CDH13: variants seen among roughly 807,000 people sequenced by gnomAD.
CDH13 encodes the protein cadherin 13, also known as cadherin-13.
Under a neutral mutation model 63.8 loss-of-function variants are expected in CDH13, and 24 were observed. The ratio of observed to expected loss-of-function variants is 0.38; its 90% CI spans 0.27 to 0.53. The LOEUF (loss-of-function observed/expected upper bound fraction) is 0.53. Ranked by LOEUF, CDH13 falls within the 20% of genes least tolerant of loss-of-function variation. The pLI, the probability that CDH13 is intolerant of heterozygous loss-of-function variation, is 0.85. For missense variants in CDH13, 1,049 were observed against 903.1 expected, an observed-to-expected ratio of 1.16 and a Z score of -2.07; for synonymous variants, 503 against 355.3, an observed-to-expected ratio of 1.42 and a Z score of -4.67.
intron 1 of CDH13, among the ~76,000 whole-genome samples, chr16:82,683,567 G>A (rs1436124051): frequency 6.6e-6 from 1 of 152,168 alleles, no homozygotes; most frequent in African/African-American, 2.4e-5. Flanking sequence ...AAATATAGTT[G>A]GACCAGAAGG....
intron 3 of CDH13, among the ~76,000 whole-genome samples, chr16:83,118,471 C>A (rs1029313761): frequency 2.6e-5 from 4 of 152,148 alleles, no homozygotes; most frequent in African/African-American, 7.2e-5. Context: ...CTGCACGCGT[C>A]TAGTAAATCT....
At chr16:83,337,128 G>C (rs549958841) in intron 5 of CDH13, among the ~76,000 whole-genome samples, 4 of 152,274 alleles carry the variant, frequency 2.6e-5, no homozygotes, top group East Asian at 1.9e-4. Flanking sequence ...AGCATTTTAC[G>C]TACAGCCAAT....
intron 2 of CDH13, among the ~76,000 whole-genome samples, chr16:82,860,403 C>T (rs1427863713): frequency 8.8e-6 from 1 of 113,206 alleles, no homozygotes; most frequent in Non-Finnish European, 1.8e-5. Flanking sequence ...GGGGGGGCGG[C>T]GGTGTGCGTG....
At chr16:83,693,772 T>G (rs1184538194) in intron 10 of CDH13, among the ~76,000 whole-genome samples, 1 of 152,242 alleles carries the variant, frequency 6.6e-6, no homozygotes, top group Non-Finnish European at 1.5e-5. Context: ...TAACTAGTCA[T>G]ATTTTCTGCT....
At chr16:83,232,176 C>T (rs13336035) in intron 5 of CDH13, among the ~76,000 whole-genome samples, 2,560 of 149,574 alleles carry the variant, frequency 0.017, 75 homozygotes, top group East Asian at 0.11. Flanking sequence ...TGTAACAAGC[C>T]TGCCCTTGTA....
chr16:83,220,285 A>C (rs147025495), intron 5 of CDH13, among the ~76,000 whole-genome samples: 1 of 152,166 alleles, frequency 6.6e-6, no homozygotes, highest in Non-Finnish European at 1.5e-5. Context: ...AGATGATGAG[A>C]ACTGGGTTAC....
chr16:82,687,664 C>A (rs1304631046), intron 1 of CDH13, among the ~76,000 whole-genome samples: 1 of 152,040 alleles, frequency 6.6e-6, no homozygotes, highest in Non-Finnish European at 1.5e-5. Context: ...CACTTCCTCC[C>A]ATGACATGTG....
At chr16:83,252,397 G>T (rs1327117678) in intron 5 of CDH13, among the ~76,000 whole-genome samples, 3 of 151,498 alleles carry the variant, frequency 2.0e-5, no homozygotes, top group Non-Finnish European at 2.9e-5. Context: ...ACTTCCTAAT[G>T]AATGCAAATG....
At chr16:83,660,756 A>C (rs1454877529) in intron 8 of CDH13, among the ~76,000 whole-genome samples, 3 of 152,358 alleles carry the variant, frequency 2.0e-5, no homozygotes, top group South Asian at 4.1e-4. Flanking sequence ...TTGGTGGTCA[A>C]ATGAGTATCT....
chr16:82,639,424 C>G, intron 1 of CDH13: 1 of 1,535,554 alleles, frequency 6.5e-7, no homozygotes, highest in East Asian at 2.4e-5. Context: ...GAATGGCCCA[C>G]AGATGCCTGG....
intron 5 of CDH13, among the ~76,000 whole-genome samples, chr16:83,250,371 G>T (rs1047619395): frequency 1.1e-4 from 17 of 152,148 alleles, no homozygotes; most frequent in Non-Finnish European, 2.2e-4. Context: ...CAAGATCTTA[G>T]CTTTCACGGT....
At chr16:82,961,835 G>T (rs1198357010) in intron 2 of CDH13, among the ~76,000 whole-genome samples, 1 of 152,112 alleles carries the variant, frequency 6.6e-6, no homozygotes, top group African/African-American at 2.4e-5. Context: ...CGTTGGGATG[G>T]GGGCTGCCGT....
At chr16:82,853,033 C>T (rs894456343) in intron 1 of CDH13, among the ~76,000 whole-genome samples, 7 of 152,136 alleles carry the variant, frequency 4.6e-5, no homozygotes, top group African/African-American at 1.7e-4. Flanking sequence ...TAAATGGAAG[C>T]TAAAAAGAAA....
At chr16:82,905,913 T>C (rs192014003) in intron 2 of CDH13, among the ~76,000 whole-genome samples, 9 of 152,332 alleles carry the variant, frequency 5.9e-5, no homozygotes, top group African/African-American at 2.2e-4. Context: ...CTCTCCTTTT[T>C]CTCTTTTCCC....
At chr16:83,620,681 C>G (rs1250801754) in intron 8 of CDH13, among the ~76,000 whole-genome samples, 3 of 152,188 alleles carry the variant, frequency 2.0e-5, no homozygotes, top group Non-Finnish European at 2.9e-5. Context: ...CAAAGAGGGT[C>G]TTGTTGTCCC....
intron 2 of CDH13, among the ~76,000 whole-genome samples, chr16:82,929,676 AAAAAAAAG>A (rs1224935482): frequency 1.4e-5 from 2 of 145,954 alleles, no homozygotes; most frequent in South Asian, 2.2e-4. Flanking sequence ...AAAAAAAAAA[AAAAAAAAG>A]AAGACAGCCG....
intron 7 of CDH13, among the ~76,000 whole-genome samples, chr16:83,542,311 T>C (rs2075309336): frequency 6.6e-6 from 1 of 152,208 alleles, no homozygotes; most frequent in Admixed American, 6.5e-5. Flanking sequence ...GAATGTAATG[T>C]GCAGCCAGGA....
intron 6 of CDH13, among the ~76,000 whole-genome samples, chr16:83,462,128 G>C (rs948549725): frequency 1.3e-5 from 2 of 152,204 alleles, no homozygotes; most frequent in Non-Finnish European, 2.9e-5. Context: ...GTGCATGACT[G>C]ACAGCTGTGC....
intron 8 of CDH13, among the ~76,000 whole-genome samples, chr16:83,604,181 C>T (rs754660643): frequency 1.3e-5 from 2 of 152,098 alleles, no homozygotes; most frequent in African/African-American, 2.4e-5. Context: ...AGGAGGTAGA[C>T]GTCCCCCTTT....
Sources: gnomAD v4.1 joint callset for allele counts (sites outside exome capture counted in the v4.1 genomes callset) on GRCh38, gnomAD v4.1.1 for gene constraint, MANE v1.5 for transcripts, NCBI Gene and HGNC (gene_info 2026-07-23, HGNC 2026-07-21) for gene names.